Variants in SMIM31 observed in about 807,000 individuals in gnomAD.
SMIM31 encodes small integral membrane protein 31.
intron 1 of SMIM31, among the ~76,000 whole-genome samples, chr4:164,768,427 C>CAAAAAAAAAAAAAAAAAAAAAA (rs758951225): frequency 1.1e-5 from 1 of 94,716 alleles, no homozygotes; most frequent in African/African-American, 3.9e-5. Context: ...CAGTACATCT[C>CAAAAAAAAAAAAAAAAAAAAAA]AAAAAAAAAA....
chr4:164,789,955 T>G (rs181001890), intron 2 of SMIM31, among the ~76,000 whole-genome samples: 2 of 152,212 alleles, frequency 1.3e-5, no homozygotes, highest in Non-Finnish European at 2.9e-5. Flanking sequence ...AATCTAGTTA[T>G]ACGTAGAAGA....
intron 2 of SMIM31, among the ~76,000 whole-genome samples, chr4:164,798,591 A>T (rs958593268): frequency 6.6e-6 from 1 of 152,050 alleles, no homozygotes; most frequent in African/African-American, 2.4e-5. Flanking sequence ...GAGTTAGGGG[A>T]TTATGGAGAC....
intron 1 of SMIM31, among the ~76,000 whole-genome samples, chr4:164,761,743 C>A (rs1036721042): frequency 8.9e-5 from 13 of 146,158 alleles, no homozygotes; most frequent in Admixed American, 5.0e-4. Context: ...ATGGTGAAAC[C>A]CCATCTCTAC....
At chr4:164,788,472 A>ATTTTTTTTTTTTT (rs1187569698) in intron 2 of SMIM31, among the ~76,000 whole-genome samples, 7 of 60,482 alleles carry the variant, frequency 1.2e-4, no homozygotes, top group South Asian at 4.7e-4. Flanking sequence ...CTTTCTTCTA[A>ATTTTTTTTTTTTT]TTTTTCTTTT....
chr4:164,767,851 C>T (rs937382302), intron 1 of SMIM31, among the ~76,000 whole-genome samples: 3 of 152,108 alleles, frequency 2.0e-5, no homozygotes, highest in Admixed American at 6.5e-5. Flanking sequence ...TGTCTTTTCC[C>T]CCAGCTTTCA....
At chr4:164,764,904 G>A in intron 1 of SMIM31, among the ~76,000 whole-genome samples, 1 of 152,176 alleles carries the variant, frequency 6.6e-6, no homozygotes, top group East Asian at 1.9e-4. Flanking sequence ...CTGATATAGA[G>A]TTTTCTAAAG....
intron 1 of SMIM31, among the ~76,000 whole-genome samples, chr4:164,756,294 G>A (rs1732559482): frequency 6.6e-6 from 1 of 152,104 alleles, no homozygotes; most frequent in East Asian, 1.9e-4. Context: ...TAATAGGCCG[G>A]GTGCGGTGGC....
intron 2 of SMIM31, among the ~76,000 whole-genome samples, chr4:164,788,728 C>T (rs539437698): frequency 5.8e-4 from 88 of 151,602 alleles, no homozygotes; most frequent in African/African-American, 1.9e-3. Flanking sequence ...TCAGGTGATC[C>T]GCCCGCCTCG....
chr4:164,763,494 C>G (rs4331736), intron 1 of SMIM31, among the ~76,000 whole-genome samples: 19,771 of 151,938 alleles, frequency 0.13, 1,552 homozygotes, highest in African/African-American at 0.21. Context: ...AAGAAAAAAA[C>G]TTTTTAAAGA....
chr4:164,763,458 C>T (rs1732678060), intron 1 of SMIM31, among the ~76,000 whole-genome samples: 1 of 151,866 alleles, frequency 6.6e-6, no homozygotes, highest in South Asian at 2.1e-4. Flanking sequence ...TAAAAATGAA[C>T]CAAATAGAAA....
Position 164,803,162 on chromosome 4 carries a change from A to G in SMIM31, c.*1968A>G, listed in dbSNP as rs1043083076. On this transcript the variant is annotated 3_prime_UTR_variant, in exon 3 of 3. Transcript: ENST00000507311. ...GTTTACTGATACGTTTTTTCAGAAAAGCAGAAAAATCAACAACATGGTTTC... is the reference window on the plus strand; with the variant it reads ...GTTTACTGATACGTTTTTTCAGAAAGGCAGAAAAATCAACAACATGGTTTC... The G allele has an allele frequency of 6.6e-6, 1 of 152,194 alleles. No individual in the cohort carries two copies. The highest frequency in any genetic ancestry group is 1.9e-4 in the East Asian group (1 of 5,200). 9.4% of individuals were successfully genotyped at this position (152,194 alleles called of 1,614,324 possible).
chr4:164,782,719 TG>T (rs1370160556), intron 2 of SMIM31, among the ~76,000 whole-genome samples: 2 of 149,744 alleles, frequency 1.3e-5, no homozygotes, highest in Admixed American at 1.3e-4. Context: ...AACAAAGTTC[TG>T]AATTTTCACA....
At chr4:164,758,881 G>T (rs1356249996) in intron 1 of SMIM31, among the ~76,000 whole-genome samples, 1 of 127,432 alleles carries the variant, frequency 7.8e-6, no homozygotes, top group African/African-American at 3.0e-5. Flanking sequence ...TGTTAGCCAG[G>T]ATGGTCTCGA....
rs1238928534 is a variant in SMIM31, at chr4:164,803,076, C to T, written c.*1882C>T. On this transcript the variant is annotated 3_prime_UTR_variant, in exon 3 of 3. Coordinates refer to ENST00000507311, the MANE Select transcript of SMIM31 (RefSeq NM_001352885.1). The stretch of plus-strand genomic sequence containing the variant: ...AAATGTGTAACTCAGTGCCTAGGAT[C>T]GTTGCTGAATAACGCTACCTATTAT... 2 of 152,136 alleles carry T rather than the reference C, an allele frequency of 1.3e-5. No individual in the cohort carries two copies. Among genetic ancestry groups the T allele is most frequent in the African/African-American group, 2.4e-5 (1 of 41,422 alleles). The allele number at this position is 152,136 out of a possible 1,614,324, so 9.4% of individuals were successfully genotyped here.
At chr4:164,755,105 G>T (rs922200593) in intron 1 of SMIM31, among the ~76,000 whole-genome samples, 1 of 151,166 alleles carries the variant, frequency 6.6e-6, no homozygotes, top group Admixed American at 6.6e-5. Context: ...CCAAAATATG[G>T]TATCATATTT....
intron 2 of SMIM31, among the ~76,000 whole-genome samples, chr4:164,777,842 A>G (rs796752635): frequency 9.2e-5 from 14 of 152,350 alleles, no homozygotes; most frequent in African/African-American, 3.4e-4. Flanking sequence ...TCGACTTTAT[A>G]ATTTTAGAAA....
chr4:164,759,380 T>C (rs1393580500), intron 1 of SMIM31, among the ~76,000 whole-genome samples: 1 of 152,210 alleles, frequency 6.6e-6, no homozygotes, highest in Non-Finnish European at 1.5e-5. Flanking sequence ...AGCTATCATT[T>C]TGTGAGGTCC....
chr4:164,758,141 A>C (rs1732591548), intron 1 of SMIM31, among the ~76,000 whole-genome samples: 1 of 152,038 alleles, frequency 6.6e-6, no homozygotes, highest in South Asian at 2.1e-4. Flanking sequence ...AAATTGTTGA[A>C]TTCTATTTAA....
chr4:164,795,441 C>A (rs1733176831), intron 2 of SMIM31, among the ~76,000 whole-genome samples: 1 of 150,450 alleles, frequency 6.6e-6, no homozygotes, highest in Non-Finnish European at 1.5e-5. Context: ...GCCTGTAATC[C>A]CAGCTACTCT....
Sources: allele counts gnomAD v4.1 joint callset (sites outside exome capture counted in the v4.1 genomes callset), GRCh38; gene constraint gnomAD v4.1.1; transcripts MANE v1.5; gene names NCBI Gene and HGNC (gene_info 2026-07-23, HGNC 2026-07-21).